The following SEC16B variants were observed in gnomAD, a reference collection of about 807,000 sequenced individuals.
SEC16B encodes protein transport protein Sec16B.
A neutral mutation model predicts 141.8 loss-of-function variants in SEC16B; 115 were observed. The observed-to-expected ratio is 0.81, with a 90% CI of 0.70 to 0.95. The LOEUF (loss-of-function observed/expected upper bound fraction) is 0.95. Ranked by LOEUF, SEC16B falls within the 40% of genes least tolerant of loss-of-function variation. The pLI, the probability that SEC16B is intolerant of heterozygous loss-of-function variation, is 0.00. For missense variants in SEC16B, 1,291 were observed against 1,312.3 expected, an observed-to-expected ratio of 0.98 and a Z score of 0.25; for synonymous variants, 493 against 492.5, an observed-to-expected ratio of 1.00 and a Z score of -0.01.
chr1:177,942,708 C>T (rs781182780), intron 15 of SEC16B, among the ~76,000 whole-genome samples: 3 of 150,882 alleles, frequency 2.0e-5, no homozygotes, highest in Non-Finnish European at 2.9e-5. Context: ...GTGCAAAGGG[C>T]GTCAAGCTAA....
chr1:177,983,240 C>T (rs937136671), intron 1 of SEC16B, among the ~76,000 whole-genome samples: 2 of 152,186 alleles, frequency 1.3e-5, no homozygotes, highest in Non-Finnish European at 2.9e-5. Flanking sequence ...GCCCAGAGTG[C>T]CATATGGTTC....
At position 177,946,488 on chromosome 1, in the gene SEC16B, C is replaced by T. The variant is rs1459884070; in HGVS notation, c.1707G>A (p.Met569Ile). ...TGTAGTGGCCAAAGGGCACGTGAGCCATGAGATAGCAGAAGTGAGCTGCCT... is the reference window on the plus strand; with the variant it reads ...TGTAGTGGCCAAAGGGCACGTGAGCTATGAGATAGCAGAAGTGAGCTGCCT... ...LVEAAHFCYLMAHVPFGHYTV... is the reference protein window; with the variant it reads ...LVEAAHFCYLIAHVPFGHYTV... The change falls in exon 14 of 26, where the codon ATG (methionine) becomes ATA (isoleucine). Residue 569 changes from methionine to isoleucine, a missense_variant. By Grantham distance (10) the Met-to-Ile change is conservative. Around this residue, in one of 3 missense-constraint regions of SEC16B, gnomAD observed 605 missense variants for 614.1 expected, o/e 0.99. Coordinates refer to ENST00000308284, the MANE Select transcript of SEC16B (RefSeq NM_033127.4). 1.9e-6 allele frequency: 3 copies of T among 1,585,300 alleles called. No individual in the cohort carries two copies. Among genetic ancestry groups the T allele is most frequent in the East Asian group, 4.6e-5 (2 of 43,250 alleles).
At chr1:177,979,975 C>T (rs1654338721) in intron 1 of SEC16B, among the ~76,000 whole-genome samples, 1 of 152,296 alleles carries the variant, frequency 6.6e-6, no homozygotes, top group Non-Finnish European at 1.5e-5. Flanking sequence ...GGTGGGGACA[C>T]AGCCAAAGCA....
chr1:177,932,440 A>G, intron 24 of SEC16B, 50 bp downstream of exon 24: 1 of 1,373,964 alleles, frequency 7.3e-7, no homozygotes, highest in Non-Finnish European at 9.8e-7. Flanking sequence ...CAGTCCTCAC[A>G]CACAGGCATC....
At chr1:177,978,103 C>T (rs1456622582) in intron 1 of SEC16B, among the ~76,000 whole-genome samples, 2 of 152,184 alleles carry the variant, frequency 1.3e-5, no homozygotes, top group East Asian at 1.9e-4. Context: ...GAATTGAGAG[C>T]TCAGGCTTTG....
chr1:177,947,764 G>GGAGGGGAGGTGAGGGGAGGGACAGA, intron 13 of SEC16B, 61 bp downstream of exon 13: 1 of 969,224 alleles, frequency 1.0e-6, no homozygotes, highest in Non-Finnish European at 1.6e-6. Flanking sequence ...AAAGGGACAG[G>GGAGGGGAGGTGAGGGGAGGGACAGA]GAGGGGAGGG....
At chr1:177,967,268 G>A (rs114478997) in intron 2 of SEC16B, among the ~76,000 whole-genome samples, 2,941 of 152,224 alleles carry the variant, frequency 0.019, 101 homozygotes, top group African/African-American at 0.066. Flanking sequence ...CTAATCCCAA[G>A]GTAGAGTGGT....
intron 14 of SEC16B, chr1:177,946,090 A>T: frequency 1.8e-6 from 1 of 561,004 alleles, no homozygotes; most frequent in South Asian, 2.4e-5. Flanking sequence ...AAGCCTCCAC[A>T]TGTAAAATGT....
chr1:177,976,935 A>G (rs1431190471), intron 1 of SEC16B, among the ~76,000 whole-genome samples: 2 of 152,238 alleles, frequency 1.3e-5, no homozygotes, highest in African/African-American at 2.4e-5. Context: ...CAACAAAATT[A>G]GAAACTTTAA....
intron 1 of SEC16B, among the ~76,000 whole-genome samples, chr1:177,982,602 C>T (rs1368737493): frequency 6.6e-6 from 1 of 152,174 alleles, no homozygotes; most frequent in Non-Finnish European, 1.5e-5. Context: ...CCTACAACTT[C>T]CAAAGTCAAA....
chr1:177,934,453 C>G (rs866828993), intron 20 of SEC16B, among the ~76,000 whole-genome samples: 1 of 152,134 alleles, frequency 6.6e-6, no homozygotes, highest in Non-Finnish European at 1.5e-5. Context: ...TTGATACAAA[C>G]CTTTGGAAAT....
intron 1 of SEC16B, among the ~76,000 whole-genome samples, chr1:177,969,097 G>A (rs6680314): frequency 1.1e-4 from 17 of 152,180 alleles, no homozygotes; most frequent in South Asian, 2.1e-4. Context: ...GGTCGGCCTC[G>A]ATTTTTTTCT....
intron 1 of SEC16B, among the ~76,000 whole-genome samples, chr1:177,977,624 T>C (rs1654227340): frequency 6.6e-6 from 1 of 152,158 alleles, no homozygotes; most frequent in Admixed American, 6.5e-5. Context: ...GGACTCGGAC[T>C]CTCATTGCAG....
Position 177,967,731 on chromosome 1 carries a change from G to C in SEC16B, c.251C>G (p.Ser84Cys), listed in dbSNP as rs1653653065. Residue 84 changes from serine (S) to cysteine (C), a missense_variant, in exon 2 of 26, where the codon TCT becomes TGT. Ser to Cys is a moderately radical substitution (Grantham distance 112). This residue lies in a region of SEC16B where 681 missense variants were observed against 675.5 expected (regional missense o/e 1.01). Coordinates refer to ENST00000308284, the MANE Select transcript of SEC16B (RefSeq NM_033127.4). ...SRPGDWHQPV[S>C]GVDYYEGGYR... ...ACCACCTTCGTAATAGTCAACTCCA[G>C]ACACAGGCTGATGCCAGTCCCCTGG... The C allele has an allele frequency of 1.2e-6, 2 of 1,613,080 alleles. No homozygotes were observed. Among genetic ancestry groups the C allele is most frequent in the Non-Finnish European group, 1.7e-6 (2 of 1,179,180 alleles).
rs985596838 is a variant in SEC16B at position 177,975,366 on chromosome 1, A to G, written c.-58-7327T>C. On this transcript the variant is annotated intron_variant and NMD_transcript_variant, in intron 1 of 24. Coordinates refer to the SEC16B transcript ENST00000528461. Reference sequence around the variant, plus strand: ...TACCAGCAACAGCTTATACTGTATGACTGTACCCAATAGTTTTCATAGCCT... The same window carrying G: ...TACCAGCAACAGCTTATACTGTATGGCTGTACCCAATAGTTTTCATAGCCT... 2.6e-5 allele frequency among the ~76,000 whole-genome samples: 4 copies of G among 152,206 alleles called. No individual in the cohort carries two copies. The East Asian group carries it at 5.8e-4, about 22-fold the overall frequency.
intron 20 of SEC16B, among the ~76,000 whole-genome samples, chr1:177,933,865 T>G (rs1056911706): frequency 2.6e-5 from 4 of 152,096 alleles, no homozygotes; most frequent in African/African-American, 9.7e-5. Flanking sequence ...GACCTTTGTC[T>G]GGTGTGCCAC....
At position 177,967,571 on chromosome 1, in the gene SEC16B, A is replaced by C. The variant is rs372040085; in HGVS notation, c.299+112T>G. 3.1e-5 allele frequency: 35 copies of C among 1,135,338 alleles called. No individual in the cohort carries two copies. The African/African-American group carries it at 5.3e-4, about 17-fold the overall frequency. 70.3% of individuals were successfully genotyped at this position (1,135,338 alleles called of 1,614,324 possible). ...GCTAAAGCCACGTAGTAAGGTAGAG[A>C]AGGAAAAAGAAAAAAGGGGGAGAAA... is the stretch of plus-strand genomic sequence containing the variant. On this transcript the variant is annotated intron_variant, in intron 2 of 25. Transcript: ENST00000308284.
At chr1:177,940,931 G>T (rs930538783) in intron 16 of SEC16B, among the ~76,000 whole-genome samples, 3 of 152,144 alleles carry the variant, frequency 2.0e-5, no homozygotes, top group African/African-American at 7.2e-5. Context: ...ACCCGTCTTG[G>T]GTGCTAGATT....
upstream of SEC16B, chr1:177,973,048 CT>C (rs1313335742): frequency 6.6e-6 from 1 of 152,324 alleles, no homozygotes; most frequent in Non-Finnish European, 1.5e-5. Context: ...TGTTTAAGCC[CT>C]AGTCTATGGT....
Sources: gnomAD v4.1 joint callset for allele counts (sites outside exome capture counted in the v4.1 genomes callset) on GRCh38, gnomAD v4.1.1 for gene constraint, gnomAD v4.1.1 regional missense constraint, MANE v1.5 for transcripts, NCBI Gene and HGNC (gene_info 2026-07-23, HGNC 2026-07-21) for gene names.